Variants in NLGN1 observed in about 807,000 individuals in gnomAD.
The protein encoded by NLGN1 is neuroligin-1.
In NLGN1, 12 loss-of-function variants were observed where a neutral mutation model predicts 65.5. That is an observed-to-expected ratio of 0.18 (90% CI 0.12 to 0.30). The LOEUF is 0.30. NLGN1 is among the 10% of genes least tolerant of loss of function. The probability of loss-of-function intolerance (pLI) is 1.00; values close to 1 mark genes in which losing one functional copy is unlikely to be tolerated. For synonymous variants in NLGN1, 350 were observed against 359.5 expected (o/e 0.97, Z 0.30); for missense variants, 750 against 1,007.1 (o/e 0.74, Z 3.46).
intron 4 of NLGN1, among the ~76,000 whole-genome samples, chr3:174,096,991 GT>G (rs536083957): frequency 3.4e-4 from 50 of 147,202 alleles, no homozygotes; most frequent in African/African-American, 4.7e-4. Context: ...GTGTCTATAA[GT>G]TTTTTTTTTT....
At chr3:173,752,027 T>A (rs1160369382) in intron 3 of NLGN1, among the ~76,000 whole-genome samples, 1 of 152,090 alleles carries the variant, frequency 6.6e-6, no homozygotes, top group Non-Finnish European at 1.5e-5. Context: ...GGAAGAGGCC[T>A]CTGAGAAACA....
chr3:174,235,083 C>T lies in NLGN1; in HGVS notation c.647-40232C>T, dbSNP rs564583918. 1.3e-4 allele frequency among the ~76,000 whole-genome samples: 17 copies of T among 134,350 alleles called. No individual in the cohort carries two copies. In the East Asian group the frequency reaches 4.1e-3, roughly 32 times the overall value. 88.1% of individuals were successfully genotyped at this position (134,350 alleles called of 152,430 possible). On this transcript the variant is annotated intron_variant, in intron 4 of 6. Coordinates refer to ENST00000457714, the Ensembl canonical transcript of NLGN1. ...TAGTATTACCACAGCATCAAACCAA[C>T]ATGTGGAGCATCTGACCTGCATTCT...
At chr3:173,409,292 A>G (rs969594851) in intron 1 of NLGN1, among the ~76,000 whole-genome samples, 15 of 152,194 alleles carry the variant, frequency 9.9e-5, no homozygotes, top group African/African-American at 2.9e-4. Context: ...ATGTGTATCT[A>G]TCTACCTCTG....
chr3:174,281,448 G>T (rs1751530709), exon 7 of NLGN1: 2 of 613,744 alleles, frequency 3.3e-6, no homozygotes, highest in Non-Finnish European at 5.8e-6. Flanking sequence ...TGGGGGTTTT[G>T]AAAAAAATGA....
chr3:173,428,946 T>C (rs1283511409), intron 1 of NLGN1, among the ~76,000 whole-genome samples: 1 of 152,166 alleles, frequency 6.6e-6, no homozygotes, highest in Non-Finnish European at 1.5e-5. Flanking sequence ...TGTTTGGCCT[T>C]TGAAAATTTG....
exon 7 of NLGN1, chr3:174,286,122 T>C (rs1266586059): frequency 1.3e-5 from 2 of 151,350 alleles, no homozygotes; most frequent in African/African-American, 4.8e-5. Context: ...AGGTATATAT[T>C]TTTTTCTAGT....
chr3:173,603,623 C>A (rs1577485665), intron 2 of NLGN1, among the ~76,000 whole-genome samples: 1 of 152,010 alleles, frequency 6.6e-6, no homozygotes, highest in Non-Finnish European at 1.5e-5. Context: ...TATCTAATGC[C>A]ATTTTCTCTT....
intron 2 of NLGN1, among the ~76,000 whole-genome samples, chr3:173,515,041 T>C (rs1381100724): frequency 1.3e-5 from 2 of 152,226 alleles, no homozygotes; most frequent in Non-Finnish European, 2.9e-5. Context: ...TGCTGAATTA[T>C]ATGGTAGTTC....
At chr3:173,956,967 TA>T (rs1560720662) in intron 4 of NLGN1, among the ~76,000 whole-genome samples, 1 of 152,034 alleles carries the variant, frequency 6.6e-6, no homozygotes, top group Non-Finnish European at 1.5e-5. Context: ...GGATTTTTTT[TA>T]AAAATGAGTT....
chr3:173,476,426 T>A (rs1193018519), intron 2 of NLGN1, among the ~76,000 whole-genome samples: 1 of 152,226 alleles, frequency 6.6e-6, no homozygotes, highest in Non-Finnish European at 1.5e-5. Flanking sequence ...ATTTATCATC[T>A]ATTTTAAAAC....
At chr3:173,673,522 T>C (rs1349069048) in intron 3 of NLGN1, among the ~76,000 whole-genome samples, 2 of 152,138 alleles carry the variant, frequency 1.3e-5, no homozygotes, top group Middle Eastern at 3.2e-3. Flanking sequence ...ATTTTTGTAG[T>C]AATAGAAAAT....
chr3:173,833,485 G>A (rs7611780), intron 4 of NLGN1, among the ~76,000 whole-genome samples: 23,792 of 151,670 alleles, frequency 0.16, 2,187 homozygotes, highest in African/African-American at 0.25. Flanking sequence ...TATGCATGCT[G>A]CAAGTAGTCA....
chr3:173,750,992 C>T (rs1776227096), intron 3 of NLGN1, among the ~76,000 whole-genome samples: 1 of 152,056 alleles, frequency 6.6e-6, no homozygotes, highest in Admixed American at 6.6e-5. Context: ...TCACATTAAA[C>T]TATTACCCTA....
At chr3:173,467,735 A>G (rs1414301113) in intron 2 of NLGN1, among the ~76,000 whole-genome samples, 2 of 152,146 alleles carry the variant, frequency 1.3e-5, no homozygotes, top group African/African-American at 2.4e-5. Flanking sequence ...AACTAGGTCA[A>G]AGTTGAGGCT....
chr3:173,873,686 A>G (rs899906774), intron 4 of NLGN1, among the ~76,000 whole-genome samples: 4 of 152,190 alleles, frequency 2.6e-5, no homozygotes, highest in Non-Finnish European at 5.9e-5. Flanking sequence ...TGGCCTGATC[A>G]TCTGTAAAAG....
chr3:173,783,849 A>G (rs1254638272), intron 3 of NLGN1, among the ~76,000 whole-genome samples: 1 of 152,140 alleles, frequency 6.6e-6, no homozygotes, highest in Non-Finnish European at 1.5e-5. Context: ...TCCTGACCTC[A>G]ACTGATCTGC....
intron 3 of NLGN1, among the ~76,000 whole-genome samples, chr3:173,707,597 A>G (rs935964846): frequency 4.6e-5 from 7 of 152,166 alleles, no homozygotes; most frequent in African/African-American, 7.2e-5. Context: ...CGTGTACCCA[A>G]TGATATGAAT....
chr3:174,243,214 T>G (rs1743213300), intron 4 of NLGN1, among the ~76,000 whole-genome samples: 1 of 152,210 alleles, frequency 6.6e-6, no homozygotes, highest in Admixed American at 6.5e-5. Flanking sequence ...AGTATGCCCT[T>G]TGCCTATTGC....
intron 4 of NLGN1, among the ~76,000 whole-genome samples, chr3:174,271,322 A>T (rs1475208156): frequency 2.6e-5 from 4 of 151,500 alleles, no homozygotes; most frequent in African/African-American, 9.7e-5. Flanking sequence ...TAACATTCTA[A>T]AGATATTTGT....
Sources: gnomAD v4.1 joint callset for allele counts (sites outside exome capture counted in the v4.1 genomes callset) on GRCh38, gnomAD v4.1.1 for gene constraint, MANE v1.5 for transcripts, NCBI Gene and HGNC (gene_info 2026-07-23, HGNC 2026-07-21) for gene names.